The following PPEF1 variants were observed in gnomAD, a reference collection of about 807,000 sequenced individuals.
PPEF1 encodes serine/threonine-protein phosphatase with EF-hands 1.
In PPEF1, 12 loss-of-function variants were observed where a neutral mutation model predicts 53.3. The observed-to-expected ratio is 0.23, with a 90% confidence interval of 0.14 to 0.36. The LOEUF is 0.36. PPEF1 is among the 10% of genes least tolerant of loss of function. The pLI is 1.00. For missense variants in PPEF1, 334 were observed against 490.4 expected (o/e 0.68, Z 3.01); for synonymous variants, 165 against 176.7 (o/e 0.93, Z 0.52).
At chrX:18,682,851 T>G (rs1425555543), upstream of PPEF1, among the ~76,000 whole-genome samples, 1 of 111,290 alleles carries the variant, frequency 9.0e-6, no homozygotes, top group Non-Finnish European at 1.9e-5. Context: ...TGTATTAATC[T>G]GTTCTCACGC....
At position 18,689,177 on chromosome X, in the gene PPEF1, G is replaced by A. The variant is rs546940845; in HGVS notation, c.-425-1805G>A. Among the ~76,000 whole-genome samples, 5 of 110,421 alleles carry A rather than the reference G, an allele frequency of 4.5e-5. No homozygotes were observed. The South Asian group carries it at 2.0e-3, about 44-fold the overall frequency. ...AAGAAGTCCATTCCAATGGTTGGGC[G>A]GGGATTAAAATTTTTCTTTTGGTTT... On this transcript the variant is annotated intron_variant, in intron 3 of 21. Transcript: ENST00000361511.
intron 1 of PPEF1, among the ~76,000 whole-genome samples, chrX:18,711,479 T>A (rs922947743): frequency 1.8e-5 from 2 of 111,766 alleles, no homozygotes; most frequent in African/African-American, 6.5e-5. Context: ...AAAAAAAGTT[T>A]TGTACTTTTA....
chrX:18,762,911 T>A (rs2045695344), intron 6 of PPEF1, among the ~76,000 whole-genome samples: 1 of 111,885 alleles, frequency 8.9e-6, no homozygotes, highest in Non-Finnish European at 1.9e-5. Context: ...GTTGGGCTGC[T>A]ATTTCTCATG....
intron 1 of PPEF1, among the ~76,000 whole-genome samples, chrX:18,716,389 G>A (rs1433031054): frequency 9.2e-6 from 1 of 108,986 alleles, no homozygotes; most frequent in Non-Finnish European, 1.9e-5. Context: ...AAAATTAGCA[G>A]GGCGTGGTGG....
intron 1 of PPEF1, among the ~76,000 whole-genome samples, chrX:18,717,367 A>G (rs980933095): frequency 1.8e-5 from 2 of 108,500 alleles, no homozygotes; most frequent in Non-Finnish European, 3.8e-5. Flanking sequence ...CATGTAGTCC[A>G]TATTCAGAAT....
At chrX:18,786,137 C>G (rs1324703092) in intron 9 of PPEF1, among the ~76,000 whole-genome samples, 1 of 112,132 alleles carries the variant, frequency 8.9e-6, no homozygotes, top group Non-Finnish European at 1.9e-5. Context: ...CAGTGCTAAT[C>G]AGTCATGGCA....
intron 12 of PPEF1, among the ~76,000 whole-genome samples, chrX:18,815,671 C>G (rs1415176612): frequency 1.8e-5 from 2 of 110,883 alleles, no homozygotes; most frequent in East Asian, 5.6e-4. Context: ...GTAGTGATGT[C>G]CCCTCTCACT....
chrX:18,792,648 T>C (rs1486060929), intron 10 of PPEF1, among the ~76,000 whole-genome samples: 1 of 111,880 alleles, frequency 8.9e-6, no homozygotes, highest in Non-Finnish European at 1.9e-5. Flanking sequence ...TCTCTATTGT[T>C]GTCTATTCTC....
intron 3 of PPEF1, among the ~76,000 whole-genome samples, chrX:18,739,743 T>TA (rs1203662756): frequency 8.9e-6 from 1 of 112,401 alleles, no homozygotes; most frequent in African/African-American, 3.2e-5. Context: ...GTGGCGTCTA[T>TA]AGAGGCAGGC....
chrX:18,724,073 C>T (rs746570851), intron 1 of PPEF1, among the ~76,000 whole-genome samples: 3 of 111,593 alleles, frequency 2.7e-5, no homozygotes, highest in Non-Finnish European at 5.6e-5. Context: ...AAGACTTGAG[C>T]CATTGCGCCT....
At chrX:18,813,025 C>T (rs751149187) in intron 12 of PPEF1, among the ~76,000 whole-genome samples, 10 of 111,545 alleles carry the variant, frequency 9.0e-5, no homozygotes, top group Non-Finnish European at 1.7e-4. Flanking sequence ...CAGATGTGAG[C>T]CACCGCACTT....
At chrX:18,716,556 C>T (rs1316594069) in intron 1 of PPEF1, among the ~76,000 whole-genome samples, 1 of 98,057 alleles carries the variant, frequency 1.0e-5, no homozygotes, top group African/African-American at 3.8e-5. Context: ...AAAAAAAAAT[C>T]GAACAATCAA....
intron 9 of PPEF1, among the ~76,000 whole-genome samples, chrX:18,786,519 C>T (rs924495818): frequency 1.8e-5 from 2 of 111,328 alleles, no homozygotes; most frequent in Non-Finnish European, 1.9e-5. Flanking sequence ...CAGTGGCTCA[C>T]GCCTGTAATC....
intron 9 of PPEF1, among the ~76,000 whole-genome samples, chrX:18,788,469 G>A (rs1201618028): frequency 2.7e-5 from 3 of 110,517 alleles, no homozygotes; most frequent in Non-Finnish European, 3.8e-5. Flanking sequence ...CTCTGCTTGT[G>A]TAAGGGAACA....
At chrX:18,679,417 C>T (rs1569237501), upstream of PPEF1, among the ~76,000 whole-genome samples, 1 of 111,836 alleles carries the variant, frequency 8.9e-6, no homozygotes, top group Non-Finnish European at 1.9e-5. Flanking sequence ...CTTCATCTTT[C>T]CAGCTATTTA....
upstream of PPEF1, among the ~76,000 whole-genome samples, chrX:18,680,089 C>CAAA (rs756924550): frequency 8.5e-4 from 45 of 52,966 alleles, 1 homozygote; most frequent in African/African-American, 2.9e-3. Context: ...ACCCTGTCCT[C>CAAA]AAAAAAAAAA....
At chrX:18,762,773 G>A (rs1281001063) in intron 6 of PPEF1, among the ~76,000 whole-genome samples, 6 of 111,597 alleles carry the variant, frequency 5.4e-5, no homozygotes, top group South Asian at 7.7e-4. Flanking sequence ...TTGCCATCTC[G>A]GTTTTGGTGG....
intron 9 of PPEF1, among the ~76,000 whole-genome samples, chrX:18,785,498 C>T (rs2046180127): frequency 9.0e-6 from 1 of 110,671 alleles, no homozygotes. Context: ...CACCCTTCCC[C>T]ACCTCACCAA....
intron 1 of PPEF1, among the ~76,000 whole-genome samples, chrX:18,724,049 A>G (rs866555261): frequency 1.8e-5 from 2 of 111,492 alleles, no homozygotes; most frequent in African/African-American, 3.3e-5. Flanking sequence ...TGGCCTCCCA[A>G]AGTGCTAGGA....
Sources: gnomAD v4.1 joint callset for allele counts (sites outside exome capture counted in the v4.1 genomes callset) on GRCh38, gnomAD v4.1.1 for gene constraint, MANE v1.5 for transcripts, NCBI Gene and HGNC (gene_info 2026-07-23, HGNC 2026-07-21) for gene names.